The following MTBP variants were observed in gnomAD, a reference collection of about 807,000 sequenced individuals.
MTBP encodes MDM2 binding protein, also known as mdm2-binding protein.
Under a neutral mutation model 117.0 loss-of-function variants are expected in MTBP, and 101 were observed. The ratio of observed to expected loss-of-function variants is 0.86; its 90% CI spans 0.73 to 1.02. The LOEUF (loss-of-function observed/expected upper bound fraction) is 1.02. Among genes scored for constraint, MTBP ranks in the 50% least tolerant of loss-of-function variants. MTBP has a pLI of 0.00. For missense variants in MTBP, 970 were observed against 1,030.9 expected, an observed-to-expected ratio of 0.94 and a Z score of 0.81; for synonymous variants, 350 against 351.5, an observed-to-expected ratio of 1.00 and a Z score of 0.05.
chr8:120,473,050 T>A (rs574441326), intron 11 of MTBP: 1 of 152,154 alleles, frequency 6.6e-6, no homozygotes, highest in Non-Finnish European at 1.5e-5. Context: ...AAACCCCTCA[T>A]ATAAAATGGA....
At chr8:120,505,840 T>G (rs991156484) in intron 15 of MTBP, among the ~76,000 whole-genome samples, 2 of 152,196 alleles carry the variant, frequency 1.3e-5, no homozygotes, top group Non-Finnish European at 2.9e-5. Context: ...TCTGTGAGTT[T>G]TTTTTCATTT....
chr8:120,506,714 C>A lies in MTBP; in HGVS notation c.1736C>A (p.Ser579Ter), dbSNP rs761114430. ...TAACATTATTTTCCCAGAACTGGTT[C>A]ATTACCTCATTCATCTGAACAGTTG... ...EKTKQKMRTG[S>*]LPHSSEQLLG... Residue 579 changes from serine to a stop codon, truncating the protein, a stop_gained, in exon 16 of 22, where the codon TCA becomes TAA. Transcript: ENST00000305949. LOFTEE classifies it high-confidence loss of function. The A allele has an allele frequency of 3.1e-6, 5 of 1,603,696 alleles. No individual in the cohort carries two copies. The South Asian group carries it at 5.6e-5, about 18-fold the overall frequency.
intron 5 of MTBP, among the ~76,000 whole-genome samples, chr8:120,454,371 T>A (rs1181271064): frequency 6.6e-6 from 1 of 152,122 alleles, no homozygotes; most frequent in Non-Finnish European, 1.5e-5. Flanking sequence ...CATTTTTTTA[T>A]AGAACCTATT....
intron 11 of MTBP, among the ~76,000 whole-genome samples, chr8:120,486,224 T>C (rs1438643929): frequency 6.6e-6 from 1 of 152,158 alleles, no homozygotes. Context: ...ATTTGCTTAT[T>C]ACCAAGTCTC....
At chr8:120,463,412 ATTTT>A (rs1448501893) in intron 9 of MTBP, among the ~76,000 whole-genome samples, 1 of 152,068 alleles carries the variant, frequency 6.6e-6, no homozygotes, top group Non-Finnish European at 1.5e-5. Context: ...GTGTTTTTGA[ATTTT>A]TATTTAGGAG....
chr8:120,497,092 A>G (rs1184980525), intron 13 of MTBP, among the ~76,000 whole-genome samples: 1 of 152,250 alleles, frequency 6.6e-6, no homozygotes, highest in East Asian at 1.9e-4. Context: ...CTACATAACC[A>G]TGAACATAAG....
chr8:120,445,593 G>A lies in MTBP; in HGVS notation c.118+5G>A. On this transcript the variant is annotated splice_donor_5th_base_variant and intron_variant, in intron 1 of 21. Coordinates refer to ENST00000305949, the MANE Select transcript of MTBP (RefSeq NM_022045.5). ...AGGGTACTGAGAATCAGCCGGGTAA[G>A]CGCTGGGATGAGAAAGAGCGGGAAC... 2 of 1,596,594 alleles carry A rather than the reference G, an allele frequency of 1.3e-6. No homozygotes were observed. The highest frequency in any genetic ancestry group is 2.2e-5 in the South Asian group (2 of 89,784).
intron 9 of MTBP, 40 bp downstream of exon 9, chr8:120,461,295 C>T: frequency 7.3e-7 from 1 of 1,370,102 alleles, no homozygotes; most frequent in East Asian, 2.3e-5. Context: ...ATTACATTTT[C>T]TGTGTCAGGT....
intron 13 of MTBP, among the ~76,000 whole-genome samples, chr8:120,496,882 G>C (rs886422826): frequency 6.6e-6 from 1 of 152,106 alleles, no homozygotes; most frequent in Non-Finnish European, 1.5e-5. Context: ...AGGCATCCAA[G>C]GTGGCTCTTC....
At chr8:120,499,426 T>C (rs905619146) in intron 14 of MTBP, among the ~76,000 whole-genome samples, 2 of 152,172 alleles carry the variant, frequency 1.3e-5, no homozygotes, top group Non-Finnish European at 2.9e-5. Flanking sequence ...CATTTTAAGA[T>C]TGCATTTATT....
intron 2 of MTBP, among the ~76,000 whole-genome samples, chr8:120,448,626 C>G (rs76866182): frequency 6.6e-6 from 1 of 152,270 alleles, no homozygotes; most frequent in African/African-American, 2.4e-5. Flanking sequence ...TGACACACAT[C>G]TTTTATGTAT....
chr8:120,450,088 C>T (rs1231390480), intron 2 of MTBP, among the ~76,000 whole-genome samples: 1 of 151,800 alleles, frequency 6.6e-6, no homozygotes, highest in Admixed American at 6.6e-5. Flanking sequence ...ATGGCAATGA[C>T]AAAGAACAGA....
At chr8:120,451,651 C>T (rs991627528) in intron 4 of MTBP, 10 of 237,976 alleles carry the variant, frequency 4.2e-5, no homozygotes, top group Admixed American at 2.6e-4. Flanking sequence ...GGTGCAGTCA[C>T]GGCTTGCTAC....
chr8:120,508,305 A>G (rs1814731238), intron 16 of MTBP, among the ~76,000 whole-genome samples: 1 of 152,182 alleles, frequency 6.6e-6, no homozygotes, highest in South Asian at 2.1e-4. Context: ...ATTTATCAAC[A>G]TGTTTATTTT....
In MTBP at chr8:120,466,916, A is replaced by C. The variant is rs904987077; in HGVS notation, c.1047+3155A>C. ...ATACCTTGGGTTTCATTTATTAAAC[A>C]ATTAATTTTTTTAAAAATGTTTTTA... On this transcript the variant is annotated intron_variant, in intron 10 of 21. Transcript: ENST00000305949. Among the ~76,000 whole-genome samples the C allele has an allele frequency of 5.9e-5, 9 of 152,144 alleles. No individual in the cohort carries two copies. The South Asian group carries it at 1.0e-3, about 17-fold the overall frequency.
chr8:120,509,285 C>T (rs564103736), intron 16 of MTBP, among the ~76,000 whole-genome samples: 1 of 152,154 alleles, frequency 6.6e-6, no homozygotes, highest in South Asian at 2.1e-4. Flanking sequence ...GTTTACTCTA[C>T]CAAGGAAAAT....
At chr8:120,466,166 G>A (rs558023550) in intron 10 of MTBP, among the ~76,000 whole-genome samples, 1 of 149,150 alleles carries the variant, frequency 6.7e-6, no homozygotes, top group African/African-American at 2.5e-5. Flanking sequence ...TAAATATGAA[G>A]TAATTTATTT....
chr8:120,454,915 AG>A (rs1813435786), intron 5 of MTBP, among the ~76,000 whole-genome samples: 1 of 151,988 alleles, frequency 6.6e-6, no homozygotes, highest in Admixed American at 6.6e-5. Context: ...ATTTTTTCTC[AG>A]GATCCAATGA....
chr8:120,466,632 G>A (rs1813700524), intron 10 of MTBP, among the ~76,000 whole-genome samples: 1 of 151,824 alleles, frequency 6.6e-6, no homozygotes, highest in East Asian at 2.0e-4. Context: ...CAGCACTTTG[G>A]GAGGCCGAGG....
Sources: allele counts gnomAD v4.1 joint callset (sites outside exome capture counted in the v4.1 genomes callset), GRCh38; gene constraint gnomAD v4.1.1; transcripts MANE v1.5; gene names NCBI Gene and HGNC (gene_info 2026-07-23, HGNC 2026-07-21).